The following SCAPER variants were observed in gnomAD, a reference collection of about 807,000 sequenced individuals.
The protein encoded by SCAPER is S-phase cyclin A associated protein in the ER, also known as S phase cyclin A-associated protein in the endoplasmic reticulum.
A neutral mutation model predicts 182.2 loss-of-function variants in SCAPER; 98 were observed. The observed-to-expected ratio is 0.54, with a 90% confidence interval of 0.46 to 0.64. The LOEUF is 0.64. Ranked by LOEUF, SCAPER falls within the 30% of genes least tolerant of loss-of-function variation. SCAPER has a pLI of 0.00. For missense variants in SCAPER, 1,432 were observed against 1,690.0 expected (o/e 0.85, Z 2.68); for synonymous variants, 605 against 564.6 (o/e 1.07, Z -1.01).
rs2048863660 is a variant in SCAPER at position 76,457,931 on chromosome 15, T to C, written c.3078+13281A>G. Among the ~76,000 whole-genome samples the C allele has an allele frequency of 4.6e-5, 7 of 152,176 alleles. No individual in the cohort carries two copies. In the South Asian group the frequency reaches 1.5e-3, roughly 32 times the overall value. ...TCCCTTCAGCCTGAAGAACTTCCTT[T>C]AGCATTTCTAGTAGTGCAGGTCTGT... On this transcript the variant is annotated intron_variant, in intron 25 of 31. Coordinates refer to ENST00000563290, the MANE Select transcript of SCAPER (RefSeq NM_020843.4).
intron 21 of SCAPER, among the ~76,000 whole-genome samples, chr15:76,632,796 G>A (rs553738080): frequency 1.3e-3 from 157 of 122,202 alleles, no homozygotes; most frequent in South Asian, 8.2e-3. Context: ...TTTTTGAGAC[G>A]GAATCTTGCT....
At chr15:76,883,251 C>A (rs767555823) in intron 2 of SCAPER, among the ~76,000 whole-genome samples, 51 of 152,348 alleles carry the variant, frequency 3.3e-4, no homozygotes, top group Middle Eastern at 3.4e-3. Context: ...TCGAGGCAGA[C>A]TGGACTCCAT....
At chr15:76,382,608 T>C (rs940899966) in intron 27 of SCAPER, among the ~76,000 whole-genome samples, 1 of 152,124 alleles carries the variant, frequency 6.6e-6, no homozygotes, top group African/African-American at 2.4e-5. Flanking sequence ...CAAAGATTTC[T>C]AAGGAATCAC....
intron 26 of SCAPER, among the ~76,000 whole-genome samples, chr15:76,419,536 C>A (rs1016885690): frequency 6.6e-6 from 1 of 151,986 alleles, no homozygotes; most frequent in Non-Finnish European, 1.5e-5. Context: ...GCCTGACCAA[C>A]ATGGAGACAC....
intron 20 of SCAPER, among the ~76,000 whole-genome samples, chr15:76,687,613 C>CCGGTG (rs1434470686): frequency 7.9e-5 from 12 of 152,130 alleles, no homozygotes; most frequent in African/African-American, 2.9e-4. Flanking sequence ...CCAACAGGCC[C>CCGGTG]CGGTGCGTGA....
chr15:76,863,283 C>G (rs1222790469), intron 2 of SCAPER, among the ~76,000 whole-genome samples: 2 of 152,104 alleles, frequency 1.3e-5, no homozygotes, highest in African/African-American at 4.8e-5. Flanking sequence ...CATAAAACAC[C>G]CATGTGAACA....
At chr15:76,739,682 A>G (rs958419692) in intron 15 of SCAPER, among the ~76,000 whole-genome samples, 2 of 152,204 alleles carry the variant, frequency 1.3e-5, no homozygotes, top group African/African-American at 4.8e-5. Context: ...TCCATTTCCT[A>G]TTTTTGGACT....
intron 22 of SCAPER, among the ~76,000 whole-genome samples, chr15:76,608,916 G>A (rs541270930): frequency 4.3e-4 from 66 of 152,262 alleles, no homozygotes; most frequent in African/African-American, 1.3e-3. Context: ...TCCAGGTGCC[G>A]TCTGTCACCC....
intron 5 of SCAPER, among the ~76,000 whole-genome samples, chr15:76,814,223 T>C (rs761334932): frequency 9.9e-5 from 15 of 152,118 alleles, no homozygotes; most frequent in Non-Finnish European, 1.8e-4. Flanking sequence ...CACTACCAAA[T>C]TGTACTGGCA....
At chr15:76,806,133 A>G (rs990235005) in intron 5 of SCAPER, among the ~76,000 whole-genome samples, 2 of 152,168 alleles carry the variant, frequency 1.3e-5, no homozygotes, top group African/African-American at 4.8e-5. Context: ...CCAAGGTCAC[A>G]AAGATGTATA....
At chr15:76,763,298 C>T (rs2062907007) in intron 14 of SCAPER, among the ~76,000 whole-genome samples, 1 of 144,288 alleles carries the variant, frequency 6.9e-6, no homozygotes, top group African/African-American at 2.6e-5. Context: ...CCCATTATCT[C>T]CTAGCCTGGA....
intron 17 of SCAPER, among the ~76,000 whole-genome samples, chr15:76,721,407 G>A (rs868230189): frequency 1.3e-3 from 203 of 151,660 alleles, no homozygotes; most frequent in African/African-American, 4.4e-3. Context: ...TTGGCGATGC[G>A]GGCTCTTTTT....
intron 15 of SCAPER, among the ~76,000 whole-genome samples, chr15:76,748,097 T>G (rs1159709983): frequency 6.6e-6 from 1 of 151,808 alleles, no homozygotes; most frequent in African/African-American, 2.4e-5. Flanking sequence ...TTCAAGCCAT[T>G]CTCCTGCCTC....
intron 23 of SCAPER, among the ~76,000 whole-genome samples, chr15:76,525,974 C>A (rs1479694463): frequency 6.6e-6 from 1 of 152,166 alleles, no homozygotes; most frequent in Non-Finnish European, 1.5e-5. Flanking sequence ...TACGTTCCCA[C>A]CAACAGAGTA....
At chr15:76,806,146 T>G (rs935352543) in intron 5 of SCAPER, among the ~76,000 whole-genome samples, 3 of 152,204 alleles carry the variant, frequency 2.0e-5, no homozygotes, top group Non-Finnish European at 4.4e-5. Flanking sequence ...GATGTATATG[T>G]TTTCTTCAAA....
intron 23 of SCAPER, among the ~76,000 whole-genome samples, chr15:76,567,105 C>T (rs2047089443): frequency 6.6e-6 from 1 of 151,886 alleles, no homozygotes; most frequent in African/African-American, 2.4e-5. Context: ...CAATATAAGT[C>T]CTTTTGTCTT....
chr15:76,742,468 A>G (rs1381260413), intron 15 of SCAPER, among the ~76,000 whole-genome samples: 5 of 2,642 alleles, frequency 1.9e-3, no homozygotes, highest in African/African-American at 2.6e-3. Flanking sequence ...TCTTTTCCTA[A>G]AAAAAAAAAA....
At chr15:76,633,785 G>A (rs1359314159) in intron 21 of SCAPER, among the ~76,000 whole-genome samples, 2 of 152,200 alleles carry the variant, frequency 1.3e-5, no homozygotes, top group Non-Finnish European at 2.9e-5. Context: ...CTGCAGCAGG[G>A]GAAAACAGCT....
chr15:76,526,587 TTC>T (rs1255275370), intron 23 of SCAPER, among the ~76,000 whole-genome samples: 2 of 152,164 alleles, frequency 1.3e-5, no homozygotes, highest in African/African-American at 4.8e-5. Context: ...GAACCATTCT[TTC>T]ACACTTTTTA....
Sources: allele counts gnomAD v4.1 joint callset (sites outside exome capture counted in the v4.1 genomes callset), GRCh38; gene constraint gnomAD v4.1.1; transcripts MANE v1.5; gene names NCBI Gene and HGNC (gene_info 2026-07-23, HGNC 2026-07-21).